Variants in PRDM6 observed in about 807,000 individuals in gnomAD.
PRDM6 encodes the protein putative histone-lysine N-methyltransferase PRDM6.
Under a neutral mutation model 60.8 loss-of-function variants are expected in PRDM6, and 25 were observed. That is an observed-to-expected ratio of 0.41 (90% CI 0.30 to 0.57). PRDM6 has a LOEUF of 0.57. PRDM6 is among the 20% of genes least tolerant of loss of function. The pLI is 0.27. For synonymous variants in PRDM6, 407 were observed against 357.4 expected (o/e 1.14, Z -1.57); for missense variants, 839 against 821.3 (o/e 1.02, Z -0.26).
intron 3 of PRDM6, among the ~76,000 whole-genome samples, chr5:123,106,032 C>T (rs1338814667): frequency 6.6e-6 from 1 of 152,220 alleles, no homozygotes; most frequent in East Asian, 1.9e-4. Context: ...GCTGCCTGTT[C>T]GTACTCTTCT....
intron 2 of PRDM6, among the ~76,000 whole-genome samples, chr5:123,092,295 A>T (rs899320184): frequency 2.6e-5 from 4 of 152,252 alleles, no homozygotes. Flanking sequence ...TGGAAAAGGT[A>T]TGTCTTACTG....
At chr5:123,181,667 G>A (rs1766166212) in intron 7 of PRDM6, among the ~76,000 whole-genome samples, 1 of 152,214 alleles carries the variant, frequency 6.6e-6, no homozygotes, top group African/African-American at 2.4e-5. Context: ...ACATGATCAA[G>A]CAAGAGAGGA....
chr5:123,169,716 TA>T (rs1464592067), intron 5 of PRDM6, among the ~76,000 whole-genome samples: 1 of 152,182 alleles, frequency 6.6e-6, no homozygotes, highest in African/African-American at 2.4e-5. Flanking sequence ...CCAAGGCTAG[TA>T]AATAGTGGAG....
chr5:123,176,994 A>G (rs1445183863), intron 6 of PRDM6, among the ~76,000 whole-genome samples: 1 of 152,214 alleles, frequency 6.6e-6, no homozygotes, highest in Non-Finnish European at 1.5e-5. Flanking sequence ...CTTTGGCTGT[A>G]TATTGAAAGA....
At position 123,192,183 on chromosome 5, in the gene PRDM6, G is replaced by C. The variant is rs1386862562; in HGVS notation, c.*4982G>C. 2.6e-5 allele frequency: 4 copies of C among 152,132 alleles called. No individual in the cohort carries two copies. The highest frequency in any genetic ancestry group is 5.9e-5 in the Non-Finnish European group (4 of 68,036). 9.4% of individuals were successfully genotyped at this position (152,132 alleles called of 1,614,324 possible). Reference sequence around the variant, plus strand: ...AATGATGATGATTATAAATTATATTGTGCAATTACTGCCATGCCTTGTTCT... The same window carrying C: ...AATGATGATGATTATAAATTATATTCTGCAATTACTGCCATGCCTTGTTCT... On this transcript the variant is annotated 3_prime_UTR_variant, in exon 8 of 8. Coordinates refer to ENST00000407847, the MANE Select transcript of PRDM6 (RefSeq NM_001136239.4).
At chr5:123,118,479 A>G (rs892973612) in intron 3 of PRDM6, among the ~76,000 whole-genome samples, 6 of 152,226 alleles carry the variant, frequency 3.9e-5, no homozygotes, top group African/African-American at 1.2e-4. Flanking sequence ...TGAAGAGAAC[A>G]TGGGTTTGAC....
intron 7 of PRDM6, among the ~76,000 whole-genome samples, chr5:123,182,816 G>GTT (rs35404140): frequency 1.3e-5 from 2 of 151,322 alleles, no homozygotes; most frequent in African/African-American, 4.9e-5. Flanking sequence ...TGCTGTAGTT[G>GTT]TTTTTTTTTA....
At chr5:123,122,916 A>G (rs374078) in intron 3 of PRDM6, among the ~76,000 whole-genome samples, 133,397 of 152,180 alleles carry the variant, frequency 0.88, 58,913 homozygotes, top group East Asian at 0.99. Flanking sequence ...ATCCCAGCAT[A>G]TGGATATGGC....
At position 123,191,882 on chromosome 5, in the gene PRDM6, C is replaced by T. The variant is rs536986892; in HGVS notation, c.*4681C>T. ...AGAATATTGCTTTATCTGTGGAAAC[C>T]TTGCCACAGATGTTTAACCTGTAGT... On this transcript the variant is annotated 3_prime_UTR_variant, in exon 8 of 8. Coordinates refer to ENST00000407847, the MANE Select transcript of PRDM6 (RefSeq NM_001136239.4). The T allele has an allele frequency of 6.6e-6, 1 of 152,330 alleles. No homozygotes were observed. Among genetic ancestry groups the T allele is most frequent in the East Asian group, 1.9e-4 (1 of 5,194 alleles). 9.4% of individuals were successfully genotyped at this position (152,330 alleles called of 1,614,324 possible). A position where few individuals can be genotyped will look rare whatever the true frequency, so the allele number is the denominator to read the frequency against.
intron 3 of PRDM6, among the ~76,000 whole-genome samples, chr5:123,152,458 A>G (rs953121965): frequency 6.6e-6 from 1 of 152,204 alleles, no homozygotes; most frequent in Non-Finnish European, 1.5e-5. Flanking sequence ...AACATTGTTC[A>G]GGAAAAACAA....
chr5:123,131,813 T>C (rs1369344257), intron 3 of PRDM6, among the ~76,000 whole-genome samples: 1 of 152,242 alleles, frequency 6.6e-6, no homozygotes, highest in Non-Finnish European at 1.5e-5. Flanking sequence ...CTTATTGATA[T>C]TGAATGCTTA....
intron 5 of PRDM6, among the ~76,000 whole-genome samples, 193 bp from the exon 6 acceptor site, chr5:123,170,573 A>C (rs373184802): frequency 8.5e-5 from 13 of 152,348 alleles, no homozygotes; most frequent in Middle Eastern, 3.4e-3. Flanking sequence ...CTTCATAAAT[A>C]GGCATCAGAT....
intron 2 of PRDM6, among the ~76,000 whole-genome samples, chr5:123,097,807 G>A (rs1763990930): frequency 6.6e-6 from 1 of 152,208 alleles, no homozygotes; most frequent in Non-Finnish European, 1.5e-5. Flanking sequence ...GGGCCTTTGT[G>A]CAAGGGAGGC....
intron 7 of PRDM6, among the ~76,000 whole-genome samples, chr5:123,185,149 C>T (rs895366077): frequency 2.0e-5 from 3 of 152,172 alleles, no homozygotes; most frequent in African/African-American, 7.2e-5. Context: ...TACATATAGA[C>T]ATACACTTTT....
chr5:123,163,451 C>T (rs1296820291), intron 5 of PRDM6, among the ~76,000 whole-genome samples: 1 of 152,234 alleles, frequency 6.6e-6, no homozygotes, highest in African/African-American at 2.4e-5. Context: ...CGTGGGTACA[C>T]TCACTGCCCG....
At chr5:123,171,138 G>A in intron 6 of PRDM6, 30 bp downstream of exon 6, 1 of 1,491,422 alleles carries the variant, frequency 6.7e-7, no homozygotes, top group Non-Finnish European at 9.0e-7. Context: ...CTGACAGTGT[G>A]TTTGCTTAGT....
chr5:123,114,317 C>G (rs993459273), intron 3 of PRDM6, among the ~76,000 whole-genome samples: 3 of 152,240 alleles, frequency 2.0e-5, no homozygotes, highest in Non-Finnish European at 4.4e-5. Flanking sequence ...CTAATTTTCA[C>G]TGCTGTGATT....
chr5:123,102,719 A>G (rs1355665106), intron 3 of PRDM6, among the ~76,000 whole-genome samples: 2 of 152,108 alleles, frequency 1.3e-5, no homozygotes, highest in Non-Finnish European at 2.9e-5. Flanking sequence ...TCATTTGCTG[A>G]TGAAGAAATG....
chr5:123,159,258 C>T (rs1040164902), intron 4 of PRDM6, among the ~76,000 whole-genome samples: 1 of 152,110 alleles, frequency 6.6e-6, no homozygotes, highest in African/African-American at 2.4e-5. Context: ...TTTCTGATGT[C>T]TCCTGGGCTA....
Sources: allele counts gnomAD v4.1 joint callset (sites outside exome capture counted in the v4.1 genomes callset), GRCh38; gene constraint gnomAD v4.1.1; transcripts MANE v1.5; gene names NCBI Gene and HGNC (gene_info 2026-07-23, HGNC 2026-07-21).